The following COL5A3 variants were observed in gnomAD, a reference collection of about 807,000 sequenced individuals.
COL5A3 encodes the protein collagen type V alpha 3 chain, also known as collagen alpha-3(V) chain.
A neutral mutation model predicts 250.0 loss-of-function variants in COL5A3; 172 were observed. That is an observed-to-expected ratio of 0.69 (90% CI 0.61 to 0.78). The LOEUF is 0.78. COL5A3 is among the 30% of genes least tolerant of loss of function. The probability of loss-of-function intolerance (pLI) is 0.00; values close to 1 mark genes in which losing one functional copy is unlikely to be tolerated. For synonymous variants in COL5A3, 937 were observed against 900.4 expected (o/e 1.04, Z -0.73); for missense variants, 2,340 against 2,334.4 (o/e 1.00, Z -0.05).
intron 61 of COL5A3, 106 bp from the exon 62 acceptor site, chr19:9,967,506 C>T (rs1196090299): frequency 1.3e-6 from 1 of 769,086 alleles, no homozygotes; most frequent in South Asian, 1.9e-5. Context: ...CACACACACA[C>T]AGTCTCACAC....
In COL5A3 at chr19:9,986,770, A is replaced by AAAAC. The variant is rs1555738641; in HGVS notation, c.2146-13_2146-12insGTTT. 24 of 1,611,608 alleles carry AAAAC rather than the reference A, an allele frequency of 1.5e-5. No homozygotes were observed. The South Asian group carries it at 2.5e-4, about 17-fold the overall frequency. On this transcript the variant is annotated splice_polypyrimidine_tract_variant and intron_variant, in intron 27 of 66. Transcript: ENST00000264828. ...TTGCCTGAAGTGCCCTGGAAAATAA[A>AAAAC]AAAAAAAAGCTCTCAAGCCTCTTCC... is the stretch of plus-strand genomic sequence containing the variant.
At chr19:9,971,397 T>C (rs1332328418) in intron 51 of COL5A3, 139 bp from the exon 52 acceptor site, 3 of 664,882 alleles carry the variant, frequency 4.5e-6, no homozygotes, top group Non-Finnish European at 5.0e-6. Context: ...CCTGGCTTGG[T>C]AGAGCGAACA....
intron 6 of COL5A3, among the ~76,000 whole-genome samples, chr19:10,002,885 A>G (rs1317856072): frequency 3.9e-5 from 6 of 152,004 alleles, no homozygotes; most frequent in Admixed American, 2.0e-4. Context: ...TGTGGCCCCA[A>G]TGAGTGACCC....
intron 65 of COL5A3, 23 bp from the exon 66 acceptor site, chr19:9,960,913 G>T (rs770451578): frequency 6.3e-7 from 1 of 1,597,298 alleles, no homozygotes; most frequent in East Asian, 2.2e-5. Flanking sequence ...GGGCAAGGCA[G>T]AGGATGAGGG....
chr19:9,961,561 T>TC (rs1378496985), intron 65 of COL5A3, among the ~76,000 whole-genome samples: 1 of 145,538 alleles, frequency 6.9e-6, no homozygotes, highest in Non-Finnish European at 1.5e-5. Flanking sequence ...TTCATTTAAT[T>TC]TTTTTTTTTT....
chr19:10,006,585 G>C (rs1391316297), intron 1 of COL5A3, among the ~76,000 whole-genome samples: 1 of 152,112 alleles, frequency 6.6e-6, no homozygotes, highest in Non-Finnish European at 1.5e-5. Context: ...GGCTCCCTAG[G>C]GCTATATCCC....
intron 5 of COL5A3, 147 bp from the exon 6 acceptor site, chr19:10,003,861 T>A: frequency 8.3e-7 from 1 of 1,210,792 alleles, no homozygotes; most frequent in Admixed American, 2.1e-5. Context: ...TAACCTGGGG[T>A]CAAGGGTGGC....
chr19:9,996,556 GC>G (rs767628059), intron 12 of COL5A3, 40 bp from the exon 13 acceptor site: 14 of 1,612,612 alleles, frequency 8.7e-6, no homozygotes, highest in Non-Finnish European at 1.1e-5. Context: ...CCCAGGAGAG[GC>G]CCCCTCCTGG....
chr19:9,975,241 A>C (rs899405255), intron 45 of COL5A3, among the ~76,000 whole-genome samples: 11 of 149,300 alleles, frequency 7.4e-5, no homozygotes, highest in African/African-American at 2.7e-4. Context: ...TGCCCAGCAA[A>C]TTTTTTTTTT....
At chr19:10,002,243 T>C (rs1202409722) in intron 6 of COL5A3, among the ~76,000 whole-genome samples, 1 of 117,510 alleles carries the variant, frequency 8.5e-6, no homozygotes, top group Non-Finnish European at 1.6e-5. Flanking sequence ...CCTTCTGGCC[T>C]GGACAGCTGC....
At chr19:9,961,598 G>A (rs551539956) in intron 65 of COL5A3, among the ~76,000 whole-genome samples, 107 of 139,208 alleles carry the variant, frequency 7.7e-4, no homozygotes, top group African/African-American at 2.8e-3. Context: ...TTGCTCTGTC[G>A]CCCAGGCTGG....
intron 45 of COL5A3, among the ~76,000 whole-genome samples, 166 bp from the exon 46 acceptor site, chr19:9,974,574 T>C (rs2086895061): frequency 1.3e-5 from 2 of 152,158 alleles, no homozygotes; most frequent in South Asian, 4.1e-4. Flanking sequence ...GGAACAGGGC[T>C]TGGGAATGAA....
At chr19:9,979,945 T>C in intron 36 of COL5A3, 49 bp downstream of exon 36, 2 of 1,574,810 alleles carry the variant, frequency 1.3e-6, no homozygotes, top group Non-Finnish European at 1.7e-6. Flanking sequence ...CTTCCTCCCT[T>C]CCCACATCCT....
chr19:9,986,630 G>A lies in COL5A3; in HGVS notation c.2191-24C>T, dbSNP rs375221434. 5.8e-5 allele frequency: 94 copies of A among 1,613,894 alleles called. 2 individuals carry two copies. The East Asian group carries it at 1.5e-3, about 25-fold the overall frequency. On this transcript the variant is annotated intron_variant, in intron 28 of 66. Coordinates refer to ENST00000264828, the MANE Select transcript of COL5A3 (RefSeq NM_015719.4). ...CCCTGGGTGGGAGAGACAGAGGCCA[G>A]AAGTGAGGGCCTCGGGGAAGGGACA... is the stretch of plus-strand genomic sequence containing the variant.
chr19:9,990,486 T>TA (rs1255860252), intron 24 of COL5A3, among the ~76,000 whole-genome samples: 1 of 152,078 alleles, frequency 6.6e-6, no homozygotes, highest in African/African-American at 2.4e-5. Flanking sequence ...ACATGATTCT[T>TA]ATGCGCATGC....
At chr19:10,004,619 C>T (rs949889242) in intron 4 of COL5A3, among the ~76,000 whole-genome samples, 15 of 152,202 alleles carry the variant, frequency 9.9e-5, no homozygotes, top group Admixed American at 7.9e-4. Context: ...GTATGAGCCA[C>T]CGCGCCCGGC....
At chr19:9,989,574 G>A (rs764477298) in intron 24 of COL5A3, 52 bp from the exon 25 acceptor site, 15 of 1,512,416 alleles carry the variant, frequency 9.9e-6, no homozygotes, top group East Asian at 2.3e-5. Context: ...GAGCCCTGGA[G>A]CACCACTAGG....
intron 10 of COL5A3, 26 bp downstream of exon 10, chr19:9,997,958 A>G (rs1555740738): frequency 1.2e-6 from 2 of 1,613,678 alleles, no homozygotes; most frequent in South Asian, 2.2e-5. Context: ...GAAAGACTGG[A>G]AGAAGGAAAC....
chr19:9,981,361 A>AG (rs534147634), intron 32 of COL5A3, among the ~76,000 whole-genome samples: 1 of 152,214 alleles, frequency 6.6e-6, no homozygotes, highest in Non-Finnish European at 1.5e-5. Flanking sequence ...CAAACGTGCA[A>AG]GCATGTTTGC....
Sources: gnomAD v4.1 joint callset for allele counts (sites outside exome capture counted in the v4.1 genomes callset) on GRCh38, gnomAD v4.1.1 for gene constraint, MANE v1.5 for transcripts, NCBI Gene and HGNC (gene_info 2026-07-23, HGNC 2026-07-21) for gene names.